The following GUCY1A2 variants were observed in gnomAD, a reference collection of about 807,000 sequenced individuals.
The protein encoded by GUCY1A2 is guanylate cyclase soluble subunit alpha-2.
GUCY1A2 carries 27 observed loss-of-function variants against 63.5 expected under a neutral mutation model. The observed-to-expected ratio is 0.43, with a 90% CI of 0.31 to 0.59. The LOEUF (loss-of-function observed/expected upper bound fraction) is 0.59. Among genes scored for constraint, GUCY1A2 ranks in the 20% least tolerant of loss-of-function variants. The pLI, the probability that GUCY1A2 is intolerant of heterozygous loss-of-function variation, is 0.11. For synonymous variants in GUCY1A2, 364 were observed against 343.5 expected (o/e 1.06, Z -0.66); for missense variants, 768 against 913.3 (o/e 0.84, Z 2.05).
At chr11:106,737,364 G>A (rs942328310) in intron 6 of GUCY1A2, among the ~76,000 whole-genome samples, 1 of 151,842 alleles carries the variant, frequency 6.6e-6, no homozygotes, top group Non-Finnish European at 1.5e-5. Flanking sequence ...AGGTAGATTT[G>A]GTGGCTCCAC....
intron 5 of GUCY1A2, among the ~76,000 whole-genome samples, chr11:106,779,090 A>AC (rs1211106235): frequency 3.9e-5 from 6 of 152,200 alleles, no homozygotes; most frequent in Non-Finnish European, 8.8e-5. Context: ...AACACTTAAG[A>AC]AGCTCATGAG....
chr11:106,777,236 G>C (rs938708340), intron 5 of GUCY1A2, among the ~76,000 whole-genome samples: 1 of 152,022 alleles, frequency 6.6e-6, no homozygotes, highest in Non-Finnish European at 1.5e-5. Context: ...GGATCACGAG[G>C]TCAGCATATC....
chr11:106,926,858 C>G (rs1193409087), intron 4 of GUCY1A2, among the ~76,000 whole-genome samples: 4 of 151,288 alleles, frequency 2.6e-5, no homozygotes, highest in African/African-American at 9.7e-5. Context: ...TTATAGTGTC[C>G]AATGATCCCC....
chr11:106,830,263 T>C (rs1252209934), intron 4 of GUCY1A2, among the ~76,000 whole-genome samples: 1 of 152,186 alleles, frequency 6.6e-6, no homozygotes, highest in Non-Finnish European at 1.5e-5. Flanking sequence ...AGTTGTATTA[T>C]GTTATGTGTA....
At chr11:106,922,891 C>T (rs1860467893) in intron 4 of GUCY1A2, among the ~76,000 whole-genome samples, 1 of 151,812 alleles carries the variant, frequency 6.6e-6, no homozygotes, top group East Asian at 1.9e-4. Flanking sequence ...TGAATATACA[C>T]AGGCGACAGT....
In GUCY1A2 at chr11:106,678,320, C is replaced by CA. The variant is rs1304530165; in HGVS notation, c.*9228dup. On this transcript the variant is annotated 3_prime_UTR_variant, in exon 8 of 8. Transcript: ENST00000526355. ...TTGGTTTCAGTGTGGTAATTTTTAC[C>CA]AAAAAAATTCAGAAGGAGGGTTTCA... The CA allele has an allele frequency of 9.7e-6, 2 of 205,850 alleles. No individual in the cohort carries two copies. The highest frequency in any genetic ancestry group is 2.3e-5 in the African/African-American group (1 of 43,660). The allele number at this position is 205,850 out of a possible 1,614,324, so 12.8% of individuals were successfully genotyped here.
At chr11:106,995,241 T>C (rs1438102286) in intron 1 of GUCY1A2, among the ~76,000 whole-genome samples, 3 of 152,164 alleles carry the variant, frequency 2.0e-5, no homozygotes, top group Non-Finnish European at 4.4e-5. Flanking sequence ...ACCCTACGTG[T>C]CACATGCATC....
intron 4 of GUCY1A2, among the ~76,000 whole-genome samples, chr11:106,882,083 C>T (rs1859831808): frequency 6.6e-6 from 1 of 151,764 alleles, no homozygotes; most frequent in Admixed American, 6.6e-5. Context: ...TCCTTCCTTC[C>T]TTCCTTCCTT....
At chr11:106,709,531 ATAT>A (rs1350358488) in intron 6 of GUCY1A2, among the ~76,000 whole-genome samples, 3 of 76,630 alleles carry the variant, frequency 3.9e-5, no homozygotes, top group Non-Finnish European at 6.5e-5. Flanking sequence ...TATAATAATA[ATAT>A]AATATATTAT....
chr11:106,813,044 T>C (rs1450998577), intron 4 of GUCY1A2, among the ~76,000 whole-genome samples: 4 of 152,016 alleles, frequency 2.6e-5, no homozygotes, highest in Non-Finnish European at 5.9e-5. Flanking sequence ...AATTCATCAT[T>C]ATTTGCATTT....
chr11:106,722,471 C>T (rs975053174), intron 6 of GUCY1A2, among the ~76,000 whole-genome samples: 1 of 151,740 alleles, frequency 6.6e-6, no homozygotes, highest in Non-Finnish European at 1.5e-5. Context: ...TTTAGTGTTT[C>T]AGTACAGCTG....
chr11:106,833,464 T>A (rs922326899), intron 4 of GUCY1A2, among the ~76,000 whole-genome samples: 2 of 152,130 alleles, frequency 1.3e-5, no homozygotes, highest in African/African-American at 2.4e-5. Flanking sequence ...CATCTAATAT[T>A]ACAACAACTT....
At chr11:106,826,629 C>T in intron 4 of GUCY1A2, 2 of 1,605,530 alleles carry the variant, frequency 1.2e-6, no homozygotes, top group South Asian at 2.2e-5. Flanking sequence ...TGTATTTTCC[C>T]AGCAGTACAA....
intron 6 of GUCY1A2, among the ~76,000 whole-genome samples, chr11:106,720,921 G>A (rs1407959036): frequency 1.3e-5 from 2 of 152,128 alleles, no homozygotes; most frequent in Non-Finnish European, 2.9e-5. Flanking sequence ...TTAGTTCTGG[G>A]TGAAACTGGG....
At chr11:107,011,362 A>C (rs1459214998) in intron 1 of GUCY1A2, among the ~76,000 whole-genome samples, 3 of 151,860 alleles carry the variant, frequency 2.0e-5, no homozygotes, top group Non-Finnish European at 4.4e-5. Flanking sequence ...AATTAACGGC[A>C]ACAGGACAAA....
At position 107,018,129 on chromosome 11, in the gene GUCY1A2, G is replaced by C; in HGVS notation, c.-74C>G. On this transcript the variant is annotated 5_prime_UTR_variant, in exon 1 of 8. Transcript: ENST00000526355. ...GCGGCGGCGGAGGCGGCGGTGGCGG[G>C]ACCGGCAAGCGACAACGTTAAGCGC... 3.9e-6 allele frequency: 4 copies of C among 1,019,026 alleles called. No individual in the cohort carries two copies. Among genetic ancestry groups the C allele is most frequent in the Non-Finnish European group, 5.2e-6 (4 of 769,384 alleles). The allele number at this position is 1,019,026 out of a possible 1,614,324, so 63.1% of individuals were successfully genotyped here. A position where few individuals can be genotyped will look rare whatever the true frequency, so the allele number is the denominator to read the frequency against.
chr11:106,939,705 T>G lies in GUCY1A2; in HGVS notation c.961A>C (p.Asn321His), dbSNP rs1860725971. 6.2e-7 allele frequency: 1 copy of G among 1,613,702 alleles called. No homozygotes were observed. The highest frequency in any genetic ancestry group is 1.3e-5 in the African/African-American group (1 of 74,930). ...QVPADLRISI[N>H]TFCRAFPFHL... ...AAAGGGAAGGCTCTACAGAAGGTGT[T>G]GATGCTAATTCTGAGGTCCGCAGGA... Residue 321 changes from asparagine to histidine, a missense_variant, in exon 4 of 8, where the codon AAC becomes CAC. Physicochemically the swap from Asn to His is moderately conservative, Grantham distance 68. Around this residue, in one of 3 missense-constraint regions of GUCY1A2, gnomAD observed 496 missense variants for 486.9 expected, o/e 1.02. Transcript: ENST00000526355.
At chr11:106,793,078 T>A (rs899325303) in intron 5 of GUCY1A2, among the ~76,000 whole-genome samples, 15 of 152,072 alleles carry the variant, frequency 9.9e-5, no homozygotes, top group Admixed American at 9.2e-4. Flanking sequence ...ATCTTGAGAA[T>A]GAAGAACAAA....
At chr11:106,708,877 T>A (rs1275080577) in intron 6 of GUCY1A2, among the ~76,000 whole-genome samples, 6 of 151,536 alleles carry the variant, frequency 4.0e-5, no homozygotes, top group Admixed American at 4.0e-4. Context: ...AATACACAAA[T>A]AAATAGATTA....
Sources: gnomAD v4.1 joint callset for allele counts (sites outside exome capture counted in the v4.1 genomes callset) on GRCh38, gnomAD v4.1.1 for gene constraint, gnomAD v4.1.1 regional missense constraint, MANE v1.5 for transcripts, NCBI Gene and HGNC (gene_info 2026-07-23, HGNC 2026-07-21) for gene names.